RELN: variants seen among roughly 807,000 people sequenced by gnomAD.
RELN encodes reelin.
RELN carries 108 observed loss-of-function variants against 427.6 expected under a neutral mutation model. The observed-to-expected ratio is 0.25, with a 90% CI of 0.22 to 0.30. RELN has a LOEUF of 0.30. Among genes scored for constraint, RELN ranks in the 10% least tolerant of loss-of-function variants. The pLI, the probability that RELN is intolerant of heterozygous loss-of-function variation, is 1.00. For synonymous variants in RELN, 1,524 were observed against 1,513.4 expected (o/e 1.01, Z -0.16); for missense variants, 3,715 against 4,302.8 (o/e 0.86, Z 3.82).
chr7:103,621,388 G>A (rs1055892847), intron 20 of RELN, among the ~76,000 whole-genome samples: 1 of 152,134 alleles, frequency 6.6e-6, no homozygotes, highest in Non-Finnish European at 1.5e-5. Context: ...ATTCATTTTA[G>A]TTTGGTGAGT....
chr7:103,578,157 G>C (rs888355799), intron 28 of RELN, among the ~76,000 whole-genome samples: 2 of 152,122 alleles, frequency 1.3e-5, no homozygotes, highest in Non-Finnish European at 2.9e-5. Flanking sequence ...AGTTTTTATA[G>C]TTTTTATTAT....
In RELN at chr7:103,472,074, T is replaced by C. The variant is rs1433434541; in HGVS notation, c.*738A>G. The C allele has an allele frequency of 6.6e-6, 1 of 152,420 alleles. No homozygotes were observed. The highest frequency in any genetic ancestry group is 1.5e-5 in the Non-Finnish European group (1 of 68,036). The allele number at this position is 152,420 out of a possible 1,614,324, so 9.4% of individuals were successfully genotyped here. ...CAGCCACAGAACACTTAAAAAAAGA[T>C]CTTTAGACAAGGAAATGGGAACTTA... is the stretch of plus-strand genomic sequence containing the variant. On this transcript the variant is annotated 3_prime_UTR_variant, in exon 65 of 65. Transcript: ENST00000428762.
intron 1 of RELN, among the ~76,000 whole-genome samples, chr7:103,933,495 AAGGG>A (rs746721889): frequency 3.3e-5 from 4 of 120,956 alleles, no homozygotes; most frequent in African/African-American, 6.4e-5. Context: ...AGGAGAAAGG[AAGGG>A]AGGGAGGGAG....
intron 2 of RELN, among the ~76,000 whole-genome samples, chr7:103,891,048 C>G (rs1439957074): frequency 6.6e-6 from 1 of 152,080 alleles, no homozygotes; most frequent in Non-Finnish European, 1.5e-5. Flanking sequence ...CACCATTGCA[C>G]TCCAGCCTGA....
intron 20 of RELN, among the ~76,000 whole-genome samples, chr7:103,625,623 G>A (rs1028527020): frequency 6.6e-6 from 1 of 151,786 alleles, no homozygotes; most frequent in African/African-American, 2.4e-5. Context: ...AATTTTGAGA[G>A]TAAGTATCAT....
intron 3 of RELN, among the ~76,000 whole-genome samples, chr7:103,812,822 T>C (rs1429636133): frequency 6.6e-6 from 1 of 152,198 alleles, no homozygotes; most frequent in African/African-American, 2.4e-5. Context: ...CAAGCTTCTA[T>C]CTAATTTTCT....
At chr7:103,961,748 C>T (rs1367628467) in intron 1 of RELN, among the ~76,000 whole-genome samples, 1 of 151,962 alleles carries the variant, frequency 6.6e-6, no homozygotes, top group Non-Finnish European at 1.5e-5. Flanking sequence ...ATGTTTCATT[C>T]TCTCCACCTG....
intron 2 of RELN, among the ~76,000 whole-genome samples, chr7:103,897,656 G>C (rs55951718): frequency 6.6e-6 from 1 of 151,910 alleles, no homozygotes; most frequent in East Asian, 1.9e-4. Flanking sequence ...GGTGGAAAAG[G>C]CACCTGTTAA....
chr7:103,675,878 A>G (rs1401545043), intron 11 of RELN, among the ~76,000 whole-genome samples: 3 of 90,156 alleles, frequency 3.3e-5, no homozygotes, highest in Non-Finnish European at 9.3e-5. Context: ...ACCTTATACA[A>G]AAATTAATTC....
At chr7:103,576,235 A>C (rs2117209756) in intron 28 of RELN, among the ~76,000 whole-genome samples, 1 of 149,592 alleles carries the variant, frequency 6.7e-6, no homozygotes, top group South Asian at 2.1e-4. Context: ...ACTCCGTCTC[A>C]AAAAAAAAAT....
chr7:103,838,602 T>C (rs1205301655), intron 2 of RELN, among the ~76,000 whole-genome samples: 1 of 152,076 alleles, frequency 6.6e-6, no homozygotes, highest in Non-Finnish European at 1.5e-5. Flanking sequence ...TCCCCTCTGG[T>C]CAGGCATAAA....
intron 20 of RELN, among the ~76,000 whole-genome samples, chr7:103,628,652 T>C (rs1053645879): frequency 6.6e-6 from 1 of 152,230 alleles, no homozygotes; most frequent in East Asian, 1.9e-4. Context: ...ATAAGGTCAC[T>C]GATGGGTCAT....
At chr7:103,496,273 T>C (rs1383974196) in intron 56 of RELN, among the ~76,000 whole-genome samples, 2 of 152,212 alleles carry the variant, frequency 1.3e-5, no homozygotes, top group African/African-American at 4.8e-5. Flanking sequence ...TTTTCGGGTA[T>C]TGAAATTTCA....
intron 8 of RELN, among the ~76,000 whole-genome samples, chr7:103,719,965 C>T (rs79509540): frequency 6.6e-6 from 1 of 152,196 alleles, no homozygotes; most frequent in African/African-American, 2.4e-5. Context: ...TCTTGCAGAA[C>T]TGCATTTTCA....
rs113286498 is a variant in RELN at position 103,497,630 on chromosome 7, C to G, written c.8950+190G>C. ...CTTTATTTTTAATGTGATTTCTCTC[C>G]TTCCCTTTTTGCATAACACAGAAGT... On this transcript the variant is annotated intron_variant, in intron 55 of 64. Transcript: ENST00000428762. Among the ~76,000 whole-genome samples the G allele has an allele frequency of 0.015, 2,210 of 152,162 alleles. 59 individuals carry two copies. The highest frequency in any genetic ancestry group is 0.051 in the African/African-American group (2,113 of 41,508).
chr7:103,480,139 C>A (rs961522775), intron 63 of RELN, among the ~76,000 whole-genome samples: 4 of 152,080 alleles, frequency 2.6e-5, no homozygotes, highest in Non-Finnish European at 5.9e-5. Flanking sequence ...GTTAACATTG[C>A]TAGTTCAAAT....
chr7:103,654,058 G>T, intron 13 of RELN, 35 bp downstream of exon 13: 2 of 1,212,834 alleles, frequency 1.6e-6, no homozygotes, highest in Non-Finnish European at 2.5e-6. Context: ...GGTGGTCTGA[G>T]GTGGTCTATT....
intron 8 of RELN, among the ~76,000 whole-genome samples, chr7:103,702,383 C>T (rs929928853): frequency 6.6e-6 from 1 of 152,108 alleles, no homozygotes; most frequent in African/African-American, 2.4e-5. Context: ...ACACCATAAC[C>T]ACTTAAAAGC....
chr7:103,836,122 C>G (rs1793400854), intron 2 of RELN, among the ~76,000 whole-genome samples: 1 of 151,992 alleles, frequency 6.6e-6, no homozygotes, highest in Non-Finnish European at 1.5e-5. Context: ...GCCACCACAG[C>G]CAGCTAATTT....
Sources: allele counts gnomAD v4.1 joint callset (sites outside exome capture counted in the v4.1 genomes callset), GRCh38; gene constraint gnomAD v4.1.1; transcripts MANE v1.5; gene names NCBI Gene and HGNC (gene_info 2026-07-23, HGNC 2026-07-21).